CACNA1C: variants seen among roughly 807,000 people sequenced by gnomAD.
The protein encoded by CACNA1C is calcium voltage-gated channel subunit alpha1 C, also known as voltage-dependent L-type calcium channel subunit alpha-1C.
A neutral mutation model predicts 229.0 loss-of-function variants in CACNA1C; 30 were observed. The observed-to-expected ratio is 0.13, with a 90% CI of 0.10 to 0.18. The LOEUF is 0.18. Ranked by LOEUF, CACNA1C falls within the 10% of genes least tolerant of loss-of-function variation. CACNA1C has a pLI of 1.00. For missense variants in CACNA1C, 1,658 were observed against 2,845.0 expected (o/e 0.58, Z 9.49); for synonymous variants, 1,114 against 1,132.5 (o/e 0.98, Z 0.33).
chr12:2,089,823 G>A (rs1252699089), intron 1 of CACNA1C, among the ~76,000 whole-genome samples: 16 of 151,938 alleles, frequency 1.1e-4, no homozygotes, highest in Middle Eastern at 3.4e-3. Flanking sequence ...TCACAAGGTC[G>A]GGAGATCGAG....
chr12:2,189,067 T>C (rs967712265), intron 3 of CACNA1C, among the ~76,000 whole-genome samples: 1 of 127,234 alleles, frequency 7.9e-6, no homozygotes, highest in Non-Finnish European at 1.5e-5. Flanking sequence ...CACTCCAGCC[T>C]GCGCGACAGA....
chr12:2,033,135 T>A (rs1417103332), intron 1 of CACNA1C, among the ~76,000 whole-genome samples: 2 of 152,176 alleles, frequency 1.3e-5, no homozygotes, highest in African/African-American at 4.8e-5. Flanking sequence ...GCCATTCCAC[T>A]TCCAGAGGGG....
intron 5 of CACNA1C, 102 bp downstream of exon 5, chr12:2,457,808 A>G: frequency 9.4e-7 from 1 of 1,058,664 alleles, no homozygotes; most frequent in Non-Finnish European, 1.3e-6. Context: ...CTGATTCCAT[A>G]TAAATGGAGG....
At chr12:2,495,599 G>A (rs926721614) in intron 7 of CACNA1C, among the ~76,000 whole-genome samples, 1 of 152,242 alleles carries the variant, frequency 6.6e-6, no homozygotes, top group African/African-American at 2.4e-5. Flanking sequence ...GGGGCGGGGA[G>A]CAGAAGCAGC....
intron 37 of CACNA1C, 80 bp from the exon 38 acceptor site, chr12:2,668,853 A>AT: frequency 1.1e-6 from 1 of 916,148 alleles, no homozygotes; most frequent in South Asian, 1.3e-5. Flanking sequence ...GAGCCAAACC[A>AT]TATCACTCTG....
Position 2,585,225 on chromosome 12 carries a change from A to G in CACNA1C, c.2340-151A>G. 2 of 663,758 alleles carry G rather than the reference A, an allele frequency of 3.0e-6. No homozygotes were observed. Among genetic ancestry groups the G allele is most frequent in the Non-Finnish European group, 4.7e-6 (2 of 424,214 alleles). The allele number at this position is 663,758 out of a possible 1,614,324, so 41.1% of individuals were successfully genotyped here. A position where few individuals can be genotyped will look rare whatever the true frequency, so the allele number is the denominator to read the frequency against. ...CATAGCACTTGTGACTGAGCTGCAC[A>G]CGAGAAGCGTCCTGGAGAAAGGAAG... On this transcript the variant is annotated intron_variant, in intron 16 of 46. Coordinates refer to ENST00000399655, the MANE Select transcript of CACNA1C (RefSeq NM_000719.7). This position sits in a 1 kb window ranked among gnomAD's most constrained non-coding sequence, Gnocchi z 4.1.
intron 1 of CACNA1C, among the ~76,000 whole-genome samples, chr12:2,021,273 A>G (rs2429137): frequency 0.5 from 75,546 of 152,004 alleles, 19,281 homozygotes; most frequent in East Asian, 0.79. Context: ...GGTCACCTAC[A>G]CTATAGGCAG....
chr12:2,363,002 T>A (rs945653369), intron 3 of CACNA1C, among the ~76,000 whole-genome samples: 2 of 152,222 alleles, frequency 1.3e-5, no homozygotes, highest in African/African-American at 4.8e-5. Context: ...AGGCTGTTAG[T>A]CACATGCAAT....
intron 7 of CACNA1C, among the ~76,000 whole-genome samples, chr12:2,501,060 T>A (rs1230038380): frequency 2.0e-5 from 3 of 146,844 alleles, no homozygotes; most frequent in Admixed American, 6.8e-5. Context: ...AAAAAAAAAA[T>A]TAGCCAGGTG....
intron 13 of CACNA1C, among the ~76,000 whole-genome samples, chr12:2,572,806 C>A (rs1324808896): frequency 2.3e-5 from 3 of 128,400 alleles, no homozygotes; most frequent in Non-Finnish European, 5.0e-5. Flanking sequence ...TCCTCTCCTC[C>A]TTCTCCTCTC....
rs74059696 is a variant in CACNA1C at position 2,001,952 on chromosome 12, G to T, written c.139+30751G>T. 1.7e-3 allele frequency among the ~76,000 whole-genome samples: 252 copies of T among 152,276 alleles called. 1 individual carries two copies. Among genetic ancestry groups the T allele is most frequent in the African/African-American group, 5.9e-3 (245 of 41,546 alleles). ...GCCACTGGTCTAAGGACTGACAGCTGGAAAATACCAGGGTTATGGTCTTCA... is the reference window on the plus strand; with the variant it reads ...GCCACTGGTCTAAGGACTGACAGCTTGAAAATACCAGGGTTATGGTCTTCA... On this transcript the variant is annotated intron_variant, in intron 1 of 46. Transcript: ENST00000682462.
intron 3 of CACNA1C, among the ~76,000 whole-genome samples, chr12:2,331,600 G>A (rs1446711268): frequency 6.6e-6 from 1 of 152,212 alleles, no homozygotes; most frequent in Non-Finnish European, 1.5e-5. Context: ...AGTCTATACC[G>A]ACATACGGAA....
intron 1 of CACNA1C, among the ~76,000 whole-genome samples, chr12:2,022,723 G>C (rs1217980378): frequency 2.0e-5 from 3 of 152,142 alleles, no homozygotes; most frequent in African/African-American, 7.2e-5. Context: ...GAGATTACAG[G>C]CATGAGCCAC....
chr12:2,559,273 A>C (rs1178484832), intron 11 of CACNA1C, among the ~76,000 whole-genome samples: 1 of 152,266 alleles, frequency 6.6e-6, no homozygotes, highest in Non-Finnish European at 1.5e-5. Flanking sequence ...ATCATAAATT[A>C]ATAAATGAAT....
At chr12:2,371,165 T>A (rs2097854818) in intron 3 of CACNA1C, among the ~76,000 whole-genome samples, 1 of 152,008 alleles carries the variant, frequency 6.6e-6, no homozygotes, top group Non-Finnish European at 1.5e-5. Context: ...AGAACTAGAT[T>A]TTGGGTAGGA....
chr12:2,677,952 C>T lies in CACNA1C; in HGVS notation c.5091+85C>T, dbSNP rs910168869. The T allele has an allele frequency of 1.3e-5, 19 of 1,496,614 alleles. No homozygotes were observed. Among genetic ancestry groups the T allele is most frequent in the Non-Finnish European group, 1.7e-5 (18 of 1,084,530 alleles). 92.7% of individuals were successfully genotyped at this position (1,496,614 alleles called of 1,614,324 possible). Reference sequence around the variant, plus strand: ...GGGCTGGGGTTTTGCGGGGAACGTCCAGGGGAAGGAGCTGCACCAGAGGAA... The same window carrying T: ...GGGCTGGGGTTTTGCGGGGAACGTCTAGGGGAAGGAGCTGCACCAGAGGAA... On this transcript the variant is annotated intron_variant, in intron 41 of 46. Transcript: ENST00000399655. The surrounding 1 kb of genome is among the most constrained non-coding windows in gnomAD (Gnocchi z 7.4).
intron 3 of CACNA1C, among the ~76,000 whole-genome samples, chr12:2,254,846 A>G (rs1461505942): frequency 6.6e-6 from 1 of 152,196 alleles, no homozygotes; most frequent in Non-Finnish European, 1.5e-5. Context: ...CTGCCAAGAA[A>G]AAGATCTTTT....
chr12:1,987,292 T>C (rs971868980), intron 1 of CACNA1C, among the ~76,000 whole-genome samples: 3 of 152,216 alleles, frequency 2.0e-5, no homozygotes, highest in Non-Finnish European at 4.4e-5. Context: ...ATCATTATAA[T>C]ACTAGTATGC....
intron 4 of CACNA1C, among the ~76,000 whole-genome samples, chr12:2,456,650 C>T (rs1432461725): frequency 6.6e-6 from 1 of 152,216 alleles, no homozygotes; most frequent in Non-Finnish European, 1.5e-5. Flanking sequence ...GCCCTCACTT[C>T]CCATAGGCCT....
Sources: allele counts gnomAD v4.1 joint callset (sites outside exome capture counted in the v4.1 genomes callset), GRCh38; gene constraint gnomAD v4.1.1; non-coding constraint Gnocchi (gnomAD v3.1); transcripts MANE v1.5; gene names NCBI Gene and HGNC (gene_info 2026-07-23, HGNC 2026-07-21).